The following LRRC17 variants were observed in gnomAD, a reference collection of about 807,000 sequenced individuals.
LRRC17 encodes leucine rich repeat containing 17, also known as leucine-rich repeat-containing protein 17.
A neutral mutation model predicts 41.5 loss-of-function variants in LRRC17; 33 were observed. The ratio of observed to expected loss-of-function variants is 0.80; its 90% CI spans 0.60 to 1.06. The LOEUF is 1.06. LRRC17 is among the 50% of genes least tolerant of loss of function. The pLI is 0.00. For synonymous variants in LRRC17, 192 were observed against 197.0 expected, an observed-to-expected ratio of 0.97 and a Z score of 0.21; for missense variants, 491 against 519.3, an observed-to-expected ratio of 0.95 and a Z score of 0.53.
intron 1 of LRRC17, among the ~76,000 whole-genome samples, chr7:102,921,525 C>T (rs1817024618): frequency 6.6e-6 from 1 of 151,148 alleles, no homozygotes; most frequent in African/African-American, 2.4e-5. Context: ...ACTAAAAATA[C>T]AAAAATTAGC....
chr7:102,939,286 G>A (rs1003710916), intron 2 of LRRC17, 144 bp from the exon 3 acceptor site: 8 of 636,134 alleles, frequency 1.3e-5, no homozygotes, highest in Non-Finnish European at 1.8e-5. Context: ...GCTAAGGCTT[G>A]TTTCATACTA....
chr7:102,923,033 A>C (rs1563096130), intron 1 of LRRC17, among the ~76,000 whole-genome samples: 1 of 152,220 alleles, frequency 6.6e-6, no homozygotes, highest in Non-Finnish European at 1.5e-5. Flanking sequence ...GAATGATTAC[A>C]GTTCCAATAT....
chr7:102,939,282 G>C (rs971336941), intron 2 of LRRC17, 148 bp from the exon 3 acceptor site: 7 of 615,544 alleles, frequency 1.1e-5, no homozygotes, highest in Non-Finnish European at 1.6e-5. Context: ...GTATGCTAAG[G>C]CTTGTTTCAT....
At chr7:102,939,737 GTTGT>G in intron 3 of LRRC17, 152 bp downstream of exon 3, 1 of 710,840 alleles carries the variant, frequency 1.4e-6, no homozygotes, top group East Asian at 2.7e-5. Flanking sequence ...TATACTAGGA[GTTGT>G]TTGCCACTCA....
chr7:102,916,215 G>A (rs1365271167), intron 1 of LRRC17, among the ~76,000 whole-genome samples: 1 of 152,032 alleles, frequency 6.6e-6, no homozygotes, highest in Non-Finnish European at 1.5e-5. Flanking sequence ...TCAAACTCTT[G>A]ACCTCAGGTG....
At chr7:102,935,058 G>A (rs947786491) in intron 2 of LRRC17, among the ~76,000 whole-genome samples, 4 of 152,076 alleles carry the variant, frequency 2.6e-5, no homozygotes, top group African/African-American at 9.7e-5. Context: ...GACTTACACC[G>A]ATTAAAGCCA....
chr7:102,933,770 C>T lies in LRRC17; in HGVS notation c.-140-4C>T. 1.3e-6 allele frequency: 1 copy of T among 753,992 alleles called. No homozygotes were observed. The highest frequency in any genetic ancestry group is 2.1e-6 in the Non-Finnish European group (1 of 481,688). 46.7% of individuals were successfully genotyped at this position (753,992 alleles called of 1,614,324 possible). ...TTTTTAATATATATTTTTTTCTCTT[C>T]CAGCCTAGGGACTCCACGTACCCCA... is the stretch of plus-strand genomic sequence containing the variant. On this transcript the variant is annotated splice_region_variant and splice_polypyrimidine_tract_variant and intron_variant, in intron 1 of 3. Coordinates refer to ENST00000339431, the MANE Select transcript of LRRC17 (RefSeq NM_001031692.3).
intron 1 of LRRC17, among the ~76,000 whole-genome samples, chr7:102,927,192 T>A (rs1362446780): frequency 6.6e-6 from 1 of 152,212 alleles, no homozygotes; most frequent in African/African-American, 2.4e-5. Context: ...TAACACTATA[T>A]AAAATACAAC....
At chr7:102,925,484 G>A (rs1817948207) in intron 1 of LRRC17, among the ~76,000 whole-genome samples, 1 of 152,134 alleles carries the variant, frequency 6.6e-6, no homozygotes, top group South Asian at 2.1e-4. Flanking sequence ...AAAAAGAGAA[G>A]CAATATTCAC....
intron 1 of LRRC17, among the ~76,000 whole-genome samples, chr7:102,932,639 C>T (rs1275920802): frequency 3.3e-5 from 1 of 30,492 alleles, no homozygotes; most frequent in Non-Finnish European, 8.4e-5. Flanking sequence ...CTGTCAGCCA[C>T]GCTAGAGTGC....
intron 3 of LRRC17, among the ~76,000 whole-genome samples, chr7:102,942,566 A>G (rs1296243436): frequency 1.3e-5 from 2 of 152,244 alleles, no homozygotes; most frequent in Non-Finnish European, 2.9e-5. Context: ...GAATGTTTAC[A>G]TATGCTTTTA....
intron 2 of LRRC17, 56 bp downstream of exon 2, chr7:102,934,741 T>C: frequency 7.1e-7 from 1 of 1,416,988 alleles, no homozygotes; most frequent in South Asian, 1.4e-5. Flanking sequence ...GCTCTTTGAA[T>C]CTTATAATCC....
At chr7:102,937,506 C>A (rs373073153) in intron 2 of LRRC17, among the ~76,000 whole-genome samples, 1,361 of 113,388 alleles carry the variant, frequency 0.012, no homozygotes, top group Non-Finnish European at 0.014. Flanking sequence ...GACTCTGTCT[C>A]AAAAAAAAAA....
At chr7:102,934,780 C>T (rs1277945183) in intron 2 of LRRC17, 95 bp downstream of exon 2, 4 of 1,104,380 alleles carry the variant, frequency 3.6e-6, no homozygotes, top group Non-Finnish European at 3.9e-6. Flanking sequence ...TCTTGGAATT[C>T]GTGATGTCAC....
At position 102,939,579 on chromosome 7, in the gene LRRC17, G is replaced by A. The variant is rs760377500; in HGVS notation, c.922G>A (p.Asp308Asn). The A allele has an allele frequency of 2.5e-5, 41 of 1,612,530 alleles. No individual in the cohort carries two copies. Among genetic ancestry groups the A allele is most frequent in the African/African-American group, 2.1e-4 (16 of 74,832 alleles). Reference protein sequence around the residue: ...NLSSNGIEFIDPAAFLGLTHL... With the variant: ...NLSSNGIEFINPAAFLGLTHL... ...CAGCAGCAATGGCATTGAATTCATC[G>A]ATCCTGGTAAGTTCCCCTGTATAGC... The change falls in exon 3 of 4, where the codon GAT becomes AAT. Residue 308 changes from aspartate to asparagine, a missense_variant. Asp to Asn is a conservative substitution (Grantham distance 23). Coordinates refer to ENST00000339431, the MANE Select transcript of LRRC17 (RefSeq NM_001031692.3).
At chr7:102,915,978 T>A (rs1218778367) in intron 1 of LRRC17, among the ~76,000 whole-genome samples, 1 of 151,328 alleles carries the variant, frequency 6.6e-6, no homozygotes, top group Non-Finnish European at 1.5e-5. Flanking sequence ...TAGAGATGAG[T>A]TTCTTCTTTT....
chr7:102,924,104 G>A (rs1453301826), intron 1 of LRRC17, among the ~76,000 whole-genome samples: 1 of 151,962 alleles, frequency 6.6e-6, no homozygotes, highest in East Asian at 2.0e-4. Context: ...CGGGTGTGGT[G>A]GCACATGCCT....
chr7:102,924,795 C>T (rs949439739), intron 1 of LRRC17, among the ~76,000 whole-genome samples: 6 of 151,820 alleles, frequency 4.0e-5, no homozygotes, highest in Admixed American at 6.6e-5. Flanking sequence ...CACCCACCAC[C>T]GCACCCGGCT....
In LRRC17 at chr7:102,932,084, G is replaced by C. The variant is rs1467819467; in HGVS notation, c.-140-1690G>C. ...TCTAAGTATATGGTTTCTTTCCCCA[G>C]AAAAATGGCTTTTTTGGGCTTCAGA... On this transcript the variant is annotated intron_variant, in intron 1 of 3. Transcript: ENST00000339431. 6.3e-6 allele frequency: 4 copies of C among 632,642 alleles called. No homozygotes were observed. In the African/African-American group the frequency reaches 7.4e-5, roughly 12 times the overall value. The allele number at this position is 632,642 out of a possible 1,614,324, so 39.2% of individuals were successfully genotyped here.
Sources: allele counts gnomAD v4.1 joint callset (sites outside exome capture counted in the v4.1 genomes callset), GRCh38; gene constraint gnomAD v4.1.1; transcripts MANE v1.5; gene names NCBI Gene and HGNC (gene_info 2026-07-23, HGNC 2026-07-21).